Variants in MIGA2 observed in about 807,000 individuals in gnomAD.
MIGA2 encodes family with sequence similarity 73, member B.
MIGA2 carries 36 observed loss-of-function variants against 69.9 expected under a neutral mutation model. The observed-to-expected ratio is 0.52, with a 90% confidence interval of 0.39 to 0.68. The LOEUF is 0.68. Among genes scored for constraint, MIGA2 ranks in the 30% least tolerant of loss-of-function variants. MIGA2 has a pLI of 0.00. For missense variants in MIGA2, 660 were observed against 787.7 expected, an observed-to-expected ratio of 0.84 and a Z score of 1.94; for synonymous variants, 333 against 349.2, an observed-to-expected ratio of 0.95 and a Z score of 0.52.
intron 6 of MIGA2, among the ~76,000 whole-genome samples, chr9:129,055,707 G>A (rs1237473223): frequency 6.6e-6 from 1 of 152,138 alleles, no homozygotes; most frequent in African/African-American, 2.4e-5. Context: ...AAATTAGCCG[G>A]GCGTAGTGGC....
intron 6 of MIGA2, among the ~76,000 whole-genome samples, chr9:129,053,294 G>T (rs1480348626): frequency 3.3e-5 from 5 of 152,110 alleles, no homozygotes; most frequent in Non-Finnish European, 1.5e-5. Flanking sequence ...CCTACAAGGG[G>T]TGCCTGCAGC....
chr9:129,043,793 C>T (rs770163701), intron 3 of MIGA2, among the ~76,000 whole-genome samples: 82 of 151,684 alleles, frequency 5.4e-4, no homozygotes, highest in Non-Finnish European at 6.2e-4. Flanking sequence ...CTCTGCATCC[C>T]GGGTTCAAGC....
chr9:129,058,484 TTTTC>T (rs1358028776), intron 6 of MIGA2, among the ~76,000 whole-genome samples: 4 of 150,196 alleles, frequency 2.7e-5, no homozygotes, highest in Non-Finnish European at 5.9e-5. Context: ...AAGTCCACAA[TTTTC>T]TTTCTTTCTT....
At chr9:129,046,495 TCG>T (rs1304004724) in intron 3 of MIGA2, among the ~76,000 whole-genome samples, 1 of 150,268 alleles carries the variant, frequency 6.7e-6, no homozygotes, top group African/African-American at 2.5e-5. Flanking sequence ...TCTTGCCCTG[TCG>T]CCTAGGGCAG....
Position 129,068,657 on chromosome 9 carries a change from A to G in MIGA2, c.1404+325A>G, listed in dbSNP as rs574977161. On this transcript the variant is annotated intron_variant, in intron 13 of 15. Transcript: ENST00000684074. The surrounding 1 kb of genome is among the most constrained non-coding windows in gnomAD (Gnocchi z 4.1). Reference sequence around the variant, plus strand: ...AAGAGGGGAAAGCAAAACCAAAAGGAAAAAAAGGCACAGAGTGAGAGACAA... The same window carrying G: ...AAGAGGGGAAAGCAAAACCAAAAGGGAAAAAAGGCACAGAGTGAGAGACAA... The G allele has an allele frequency of 2.0e-5, 8 of 396,756 alleles. No individual in the cohort carries two copies. In the South Asian group the frequency reaches 2.1e-4, roughly 10 times the overall value. The allele number at this position is 396,756 out of a possible 1,614,324, so 24.6% of individuals were successfully genotyped here. A position where few individuals can be genotyped will look rare whatever the true frequency, so the allele number is the denominator to read the frequency against.
rs1305361231 is a variant in MIGA2, at chr9:129,059,080, T to G, written c.676-74T>G. On this transcript the variant is annotated intron_variant, in intron 6 of 15. Transcript: ENST00000684074. The surrounding 1 kb of genome is among the most constrained non-coding windows in gnomAD (Gnocchi z 5.6). ...AGCTCCTCCCCTTTCCCCAGGGACC[T>G]GGGGGTGAGGGAAGGGGCCATTTTC... 3 of 1,350,470 alleles carry G rather than the reference T, an allele frequency of 2.2e-6. No homozygotes were observed. Among genetic ancestry groups the G allele is most frequent in the African/African-American group, 2.9e-5 (2 of 69,820 alleles). The allele number at this position is 1,350,470 out of a possible 1,614,324, so 83.7% of individuals were successfully genotyped here. A position where few individuals can be genotyped will look rare whatever the true frequency, so the allele number is the denominator to read the frequency against.
chr9:129,065,885 C>T (rs927822571), intron 11 of MIGA2, among the ~76,000 whole-genome samples: 1 of 152,190 alleles, frequency 6.6e-6, no homozygotes, highest in African/African-American at 2.4e-5. Context: ...TGTGGCCTCA[C>T]TACCCTGCCT....
intron 6 of MIGA2, among the ~76,000 whole-genome samples, chr9:129,054,313 GCATGGTGGCGCACAC>G (rs1246164055): frequency 6.6e-6 from 1 of 151,804 alleles, no homozygotes; most frequent in Non-Finnish European, 1.5e-5. Flanking sequence ...AGTTAGTTGG[GCATGGTGGCGCACAC>G]CATGTGGTAG....
chr9:129,037,744 C>T (rs959469717), intron 1 of MIGA2, among the ~76,000 whole-genome samples: 30 of 152,142 alleles, frequency 2.0e-4, no homozygotes, highest in African/African-American at 7.2e-4. Context: ...ACCATGTGGG[C>T]TTCTCACTTG....
chr9:129,037,936 T>C (rs1844679665), intron 1 of MIGA2, among the ~76,000 whole-genome samples: 1 of 152,094 alleles, frequency 6.6e-6, no homozygotes, highest in South Asian at 2.1e-4. Flanking sequence ...AGATAAACAT[T>C]GGCCATTGCG....
chr9:129,047,831 T>C (rs1206968413), intron 3 of MIGA2, among the ~76,000 whole-genome samples: 1 of 151,746 alleles, frequency 6.6e-6, no homozygotes, highest in Non-Finnish European at 1.5e-5. Context: ...CCAGGCTCAA[T>C]TGATCCCCCA....
At chr9:129,058,777 C>A (rs578010220) in intron 6 of MIGA2, among the ~76,000 whole-genome samples, 1 of 152,132 alleles carries the variant, frequency 6.6e-6, no homozygotes, top group Non-Finnish European at 1.5e-5. Flanking sequence ...GGATTACAGG[C>A]GTGAGCCACT....
rs145732064 is a variant in MIGA2, at chr9:129,062,570, G to A, written c.1011-674G>A. On this transcript the variant is annotated intron_variant, in intron 9 of 15. Coordinates refer to ENST00000684074, the MANE Select transcript of MIGA2 (RefSeq NM_001329990.2). ...AAAAAGCAAAAAAACTGGGCCAGGC[G>A]CCATGACTCACACCTGTAATCCCAG... Among the ~76,000 whole-genome samples, 589 of 146,120 alleles carry A rather than the reference G, an allele frequency of 4.0e-3. 7 individuals are homozygous for A. Among genetic ancestry groups the A allele is most frequent in the African/African-American group, 0.014 (542 of 39,654 alleles).
In MIGA2 at chr9:129,044,837, C is replaced by T. The variant is rs1326331107; in HGVS notation, c.307+2323C>T. Among the ~76,000 whole-genome samples the T allele has an allele frequency of 2.6e-5, 4 of 151,052 alleles. No individual in the cohort carries two copies. The South Asian group carries it at 6.4e-4, about 24-fold the overall frequency. ...AACTCCTGGCCTCAAGAGATCTTCC[C>T]GCCTTGGCCCCCCAAAGTGCTGGGG... is the stretch of plus-strand genomic sequence containing the variant. On this transcript the variant is annotated intron_variant, in intron 3 of 15. Coordinates refer to ENST00000684074, the MANE Select transcript of MIGA2 (RefSeq NM_001329990.2).
At chr9:129,051,607 T>A (rs143248291) in intron 6 of MIGA2, among the ~76,000 whole-genome samples, 1,876 of 151,426 alleles carry the variant, frequency 0.012, 38 homozygotes, top group African/African-American at 0.035. Flanking sequence ...TTTTATTATT[T>A]TTTTTTAAGA....
intron 2 of MIGA2, among the ~76,000 whole-genome samples, chr9:129,041,053 G>C (rs1233706293): frequency 6.6e-6 from 1 of 152,004 alleles, no homozygotes; most frequent in African/African-American, 2.4e-5. Context: ...TAGGCGGGTA[G>C]GCTGGGCACA....
intron 9 of MIGA2, among the ~76,000 whole-genome samples, chr9:129,062,518 C>T (rs1274491686): frequency 2.4e-4 from 32 of 134,068 alleles, no homozygotes; most frequent in Admixed American, 1.7e-3. Flanking sequence ...GGCAACAGAG[C>T]GAGACTCCAT....
intron 6 of MIGA2, among the ~76,000 whole-genome samples, chr9:129,057,366 T>C (rs1249038334): frequency 2.0e-5 from 3 of 149,480 alleles, no homozygotes; most frequent in Non-Finnish European, 4.4e-5. Flanking sequence ...CGATCTCGGC[T>C]CACTGCAAGC....
chr9:129,066,076 G>T lies in MIGA2; in HGVS notation c.1171-1697G>T, dbSNP rs187208266. ...GGCCGTTTACCTGGCAGTGAGCTCA[G>T]TGTATACTCAATGGTTCTTCACTGC... On this transcript the variant is annotated intron_variant, in intron 11 of 15. Transcript: ENST00000684074. Among the ~76,000 whole-genome samples the T allele has an allele frequency of 8.5e-5, 13 of 152,354 alleles. No individual in the cohort carries two copies. The East Asian group carries it at 2.5e-3, about 29-fold the overall frequency.
Sources: gnomAD v4.1 joint callset for allele counts (sites outside exome capture counted in the v4.1 genomes callset) on GRCh38, gnomAD v4.1.1 for gene constraint, Gnocchi (gnomAD v3.1) non-coding constraint, MANE v1.5 for transcripts, NCBI Gene and HGNC (gene_info 2026-07-23, HGNC 2026-07-21) for gene names.